SPPL3: variants seen among roughly 807,000 people sequenced by gnomAD.
The protein encoded by SPPL3 is signal peptide peptidase like 3.
SPPL3 carries 5 observed loss-of-function variants against 42.4 expected under a neutral mutation model. The observed-to-expected ratio is 0.12, with a 90% confidence interval of 0.06 to 0.25. The LOEUF (loss-of-function observed/expected upper bound fraction) is 0.25. Ranked by LOEUF, SPPL3 falls within the 10% of genes least tolerant of loss-of-function variation. The pLI is 1.00. For missense variants in SPPL3, 235 were observed against 489.0 expected, an observed-to-expected ratio of 0.48 and a Z score of 4.90; for synonymous variants, 195 against 181.8, an observed-to-expected ratio of 1.07 and a Z score of -0.58.
chr12:120,863,627 CTGAAA>C (rs1462003244), intron 1 of SPPL3, among the ~76,000 whole-genome samples: 2 of 152,108 alleles, frequency 1.3e-5, no homozygotes, highest in Non-Finnish European at 2.9e-5. Flanking sequence ...TTCTTCAATA[CTGAAA>C]TGAAATTCTA....
At chr12:120,886,746 C>T (rs937851991) in intron 1 of SPPL3, among the ~76,000 whole-genome samples, 4 of 152,122 alleles carry the variant, frequency 2.6e-5, no homozygotes, top group African/African-American at 9.7e-5. Flanking sequence ...ACAGACTGAT[C>T]ACACACTCAT....
intron 1 of SPPL3, among the ~76,000 whole-genome samples, chr12:120,870,648 TA>T (rs200038225): frequency 4.0e-5 from 6 of 148,754 alleles, no homozygotes; most frequent in Admixed American, 6.7e-5. Flanking sequence ...TACTCAGCTT[TA>T]AAAAAAAAAG....
chr12:120,778,305 C>T (rs867276938), intron 6 of SPPL3, among the ~76,000 whole-genome samples: 16 of 151,572 alleles, frequency 1.1e-4, no homozygotes, highest in South Asian at 2.1e-4. Context: ...TTAGTAGAGA[C>T]GGGGTTTCAC....
rs779072650 is a variant in SPPL3, at chr12:120,767,481, A to T, written c.886T>A (p.Ser296Thr). The T allele has an allele frequency of 1.2e-6, 2 of 1,614,054 alleles. No individual in the cohort carries two copies. The highest frequency in any genetic ancestry group is 2.7e-5 in the African/African-American group (2 of 74,928). The change falls in exon 9 of 11, where the codon TCC becomes ACC. Residue 296 changes from serine (S) to threonine (T), a missense_variant. Around this residue, in one of 6 missense-constraint regions of SPPL3, gnomAD observed 29 missense variants for 16.4 expected, o/e 1.77. Coordinates refer to ENST00000353487, the MANE Select transcript of SPPL3 (RefSeq NM_139015.5). ...DNYKKQASGD[S>T]CGAPGPANIS... is the part of the protein sequence containing the mutation. The stretch of plus-strand genomic sequence containing the variant: ...TTGGCAGGTCCAGGGGCCCCACAGG[A>T]GTCCCCACTGGCTTGCTTTTTGTAG...
chr12:120,820,306 ATTT>A (rs11374486), intron 1 of SPPL3, among the ~76,000 whole-genome samples: 3 of 100,978 alleles, frequency 3.0e-5, no homozygotes, highest in Non-Finnish European at 1.9e-5. Flanking sequence ...CTTTCTCTAA[ATTT>A]TTTTTTTTTT....
intron 1 of SPPL3, among the ~76,000 whole-genome samples, chr12:120,884,629 ATCTC>A (rs371083023): frequency 2.7e-4 from 40 of 150,650 alleles, no homozygotes; most frequent in African/African-American, 4.6e-4. Context: ...TTAATGAAAG[ATCTC>A]TCTGTGTTGG....
chr12:120,890,482 G>A (rs552117619), intron 1 of SPPL3, among the ~76,000 whole-genome samples: 21 of 151,454 alleles, frequency 1.4e-4, no homozygotes, highest in African/African-American at 3.9e-4. Context: ...CCAGCTACTC[G>A]GGAGGCTGAG....
intron 1 of SPPL3, among the ~76,000 whole-genome samples, chr12:120,877,696 G>T (rs990828173): frequency 6.6e-6 from 1 of 151,298 alleles, no homozygotes; most frequent in Admixed American, 6.6e-5. Context: ...CAGGAGAATC[G>T]CTTGAACCTG....
At chr12:120,844,792 C>G (rs2137028885) in intron 1 of SPPL3, among the ~76,000 whole-genome samples, 1 of 151,958 alleles carries the variant, frequency 6.6e-6, no homozygotes, top group East Asian at 1.9e-4. Flanking sequence ...AACACAGCGA[C>G]TCCCGGAGGC....
At chr12:120,766,409 G>C in intron 9 of SPPL3, 37 bp from the exon 10 acceptor site, 1 of 1,503,086 alleles carries the variant, frequency 6.7e-7, no homozygotes, top group Non-Finnish European at 9.0e-7. Context: ...GACACGAGAG[G>C]GAACCCGTGT....
intron 2 of SPPL3, among the ~76,000 whole-genome samples, chr12:120,808,706 A>C (rs1834754842): frequency 6.6e-6 from 1 of 152,240 alleles, no homozygotes. Flanking sequence ...AAATGATATG[A>C]AGATAATTTG....
chr12:120,827,769 G>C (rs1871273628), intron 1 of SPPL3, among the ~76,000 whole-genome samples: 1 of 151,154 alleles, frequency 6.6e-6, no homozygotes, highest in Admixed American at 6.6e-5. Context: ...TTCCAGACTG[G>C]CCCATAAAAA....
At chr12:120,856,312 G>C (rs1872455184) in intron 1 of SPPL3, among the ~76,000 whole-genome samples, 1 of 151,314 alleles carries the variant, frequency 6.6e-6, no homozygotes, top group Admixed American at 6.6e-5. Flanking sequence ...ACAAAGAAGA[G>C]AAGGTTCTTT....
intron 1 of SPPL3, among the ~76,000 whole-genome samples, chr12:120,866,053 G>A (rs1872745722): frequency 6.6e-6 from 1 of 152,174 alleles, no homozygotes; most frequent in African/African-American, 2.4e-5. Context: ...ACTCAGGTGG[G>A]ACTGCCTAGT....
chr12:120,888,311 G>A (rs1182296203), intron 1 of SPPL3, among the ~76,000 whole-genome samples: 1 of 152,108 alleles, frequency 6.6e-6, no homozygotes, highest in Non-Finnish European at 1.5e-5. Context: ...CCTAATCTCA[G>A]GTGATCCACC....
At chr12:120,770,248 C>A (rs1371655454) in intron 6 of SPPL3, 2 of 152,168 alleles carry the variant, frequency 1.3e-5, no homozygotes, top group Non-Finnish European at 2.9e-5. Context: ...GCTATGTGGC[C>A]CAGGCTGATC....
chr12:120,893,824 T>C (rs1873717490), intron 1 of SPPL3, among the ~76,000 whole-genome samples: 1 of 152,200 alleles, frequency 6.6e-6, no homozygotes, highest in African/African-American at 2.4e-5. Context: ...CAAGCCTCAA[T>C]TTCTGGTCTT....
At chr12:120,866,666 AG>A (rs1237730698) in intron 1 of SPPL3, among the ~76,000 whole-genome samples, 1 of 152,238 alleles carries the variant, frequency 6.6e-6, no homozygotes, top group African/African-American at 2.4e-5. Flanking sequence ...TTCTCAAAAC[AG>A]TTACATACCA....
At chr12:120,854,696 C>T (rs1195482291) in intron 1 of SPPL3, among the ~76,000 whole-genome samples, 1 of 152,158 alleles carries the variant, frequency 6.6e-6, no homozygotes, top group African/African-American at 2.4e-5. Context: ...GTCTAAAATT[C>T]AGTCAGCCTG....
Sources: gnomAD v4.1 joint callset for allele counts (sites outside exome capture counted in the v4.1 genomes callset) on GRCh38, gnomAD v4.1.1 for gene constraint, gnomAD v4.1.1 regional missense constraint, MANE v1.5 for transcripts, NCBI Gene and HGNC (gene_info 2026-07-23, HGNC 2026-07-21) for gene names.